Variants in HP1BP3 observed in about 807,000 individuals in gnomAD.
The protein encoded by HP1BP3 is heterochromatin protein 1-binding protein 3.
Under a neutral mutation model 62.5 loss-of-function variants are expected in HP1BP3, and 12 were observed. That is an observed-to-expected ratio of 0.19 (90% CI 0.12 to 0.31). HP1BP3 has a LOEUF of 0.31. HP1BP3 is among the 10% of genes least tolerant of loss of function. HP1BP3 has a pLI of 1.00. For synonymous variants in HP1BP3, 260 were observed against 237.8 expected, an observed-to-expected ratio of 1.09 and a Z score of -0.86; for missense variants, 502 against 651.8, an observed-to-expected ratio of 0.77 and a Z score of 2.50.
intron 5 of HP1BP3, among the ~76,000 whole-genome samples, chr1:20,772,575 A>G (rs1014655704): frequency 1.3e-5 from 2 of 152,226 alleles, no homozygotes; most frequent in African/African-American, 4.8e-5. Context: ...TTTCCAGTTT[A>G]TGTGTTAGTG....
At chr1:20,748,517 C>A (rs760579175) in intron 10 of HP1BP3, among the ~76,000 whole-genome samples, 8 of 152,172 alleles carry the variant, frequency 5.3e-5, no homozygotes, top group Non-Finnish European at 1.2e-4. Flanking sequence ...GAGGCCGAGG[C>A]CGGCAGATCA....
intron 11 of HP1BP3, 74 bp from the exon 12 acceptor site, chr1:20,745,730 TTACCTGGACA>T: frequency 1.3e-6 from 2 of 1,489,220 alleles, no homozygotes; most frequent in Admixed American, 3.7e-5. Flanking sequence ...CTAGATGCTC[TTACCTGGACA>T]TATCCCACTT....
intron 5 of HP1BP3, 26 bp from the exon 6 acceptor site, chr1:20,771,099 G>GA: frequency 6.5e-7 from 1 of 1,538,682 alleles, no homozygotes; most frequent in Non-Finnish European, 8.8e-7. Flanking sequence ...TAAACTAGTT[G>GA]TTTTTTTTTA....
chr1:20,773,934 A>G (rs986458527), intron 4 of HP1BP3: 13 of 171,396 alleles, frequency 7.6e-5, no homozygotes, highest in Admixed American at 5.7e-4. Context: ...GCAATATGGT[A>G]TAGTGGAAAA....
Position 20,776,689 on chromosome 1 carries a change from T to A in HP1BP3, c.258A>T (p.Pro86=), listed in dbSNP as rs746390482. Residue 86 remains proline, a synonymous_variant, in exon 4 of 13, where the codon CCA becomes CCT. Coordinates refer to ENST00000438032, the MANE Select transcript of HP1BP3 (RefSeq NM_001372052.1). Reference sequence around the variant, plus strand: ...GCTCTGCCTCACTCGAAGTAGCAGGTGGAGTTTCATTCTCTTGTTCTTCTA... The same window carrying A: ...GCTCTGCCTCACTCGAAGTAGCAGGAGGAGTTTCATTCTCTTGTTCTTCTA... The part of the protein sequence containing the change: ...STVEEQENET[P]PATSSEAEQP... 2 of 1,613,802 alleles carry A rather than the reference T, an allele frequency of 1.2e-6. No homozygotes were observed. Among genetic ancestry groups the A allele is most frequent in the Admixed American group, 3.3e-5 (2 of 59,990 alleles).
rs911705811 is a variant in HP1BP3 at position 20,743,117 on chromosome 1, CTTTTCT to C, written c.*1674_*1679del. On this transcript the variant is annotated 3_prime_UTR_variant, in exon 13 of 13. Coordinates refer to ENST00000438032, the MANE Select transcript of HP1BP3 (RefSeq NM_001372052.1). ...TAGTTGGGCTTCATTTACTTTTTTCCTTTTCTTTTTTTTTTTAATATCTCAAAAAGG... is the reference window on the plus strand; with the variant it reads ...TAGTTGGGCTTCATTTACTTTTTTCCTTTTTTTTTTAATATCTCAAAAAGG... 7 of 150,408 alleles carry C rather than the reference CTTTTCT, an allele frequency of 4.7e-5. No individual in the cohort carries two copies. The highest frequency in any genetic ancestry group is 1.7e-4 in the African/African-American group (7 of 40,572). The allele number at this position is 150,408 out of a possible 1,614,324, so 9.3% of individuals were successfully genotyped here. A position where few individuals can be genotyped will look rare whatever the true frequency, so the allele number is the denominator to read the frequency against.
rs1206260933 is a variant in HP1BP3 at position 20,744,178 on chromosome 1, C to A, written c.*619G>T. On this transcript the variant is annotated 3_prime_UTR_variant, in exon 13 of 13. Transcript: ENST00000438032. The stretch of plus-strand genomic sequence containing the variant: ...CAGTGAAAAATACCTAGAAATTGAT[C>A]AATATGAAATGTAGCCCAAAGGAGT... The A allele has an allele frequency of 1.3e-5, 2 of 152,654 alleles. No homozygotes were observed. The highest frequency in any genetic ancestry group is 4.2e-4 in the South Asian group (2 of 4,814). 9.5% of individuals were successfully genotyped at this position (152,654 alleles called of 1,614,324 possible).
In HP1BP3 at chr1:20,744,385, C is replaced by T. The variant is rs114114406; in HGVS notation, c.*412G>A. ...ACAACTCAGTCAGTGCTATATTGTG[C>T]CTCCATTTTACTTCCAGGACCTGAC... On this transcript the variant is annotated 3_prime_UTR_variant, in exon 13 of 13. Coordinates refer to ENST00000438032, the MANE Select transcript of HP1BP3 (RefSeq NM_001372052.1). 3.5e-3 allele frequency: 600 copies of T among 171,686 alleles called. 2 individuals carry two copies. Among genetic ancestry groups the T allele is most frequent in the African/African-American group, 0.014 (575 of 41,628 alleles). 10.6% of individuals were successfully genotyped at this position (171,686 alleles called of 1,614,324 possible).
chr1:20,754,348 G>T (rs2055964942), intron 9 of HP1BP3, among the ~76,000 whole-genome samples: 1 of 152,150 alleles, frequency 6.6e-6, no homozygotes, highest in African/African-American at 2.4e-5. Context: ...ACTGCTGAGA[G>T]AAATTAAATA....
At chr1:20,775,058 T>G (rs750404712) in intron 4 of HP1BP3, 1 of 152,070 alleles carries the variant, frequency 6.6e-6, no homozygotes, top group Non-Finnish European at 1.5e-5. Context: ...GCTACTAGTT[T>G]ATGTGTTTAC....
Position 20,780,493 on chromosome 1 carries a change from T to G in HP1BP3, c.-53A>C, listed in dbSNP as rs570441090. On this transcript the variant is annotated 5_prime_UTR_variant, in exon 2 of 13. Coordinates refer to ENST00000438032, the MANE Select transcript of HP1BP3 (RefSeq NM_001372052.1). ...GGTTACACTCTGAAGCCTCTGCTGT[T>G]AACCACAAGGATTTTTCCTAATGGT... The G allele has an allele frequency of 2.9e-5, 37 of 1,276,426 alleles. No individual in the cohort carries two copies. The South Asian group carries it at 4.5e-4, about 15-fold the overall frequency. 79.1% of individuals were successfully genotyped at this position (1,276,426 alleles called of 1,614,324 possible).
At chr1:20,751,741 TA>T (rs140394272) in intron 9 of HP1BP3, among the ~76,000 whole-genome samples, 4,553 of 110,684 alleles carry the variant, frequency 0.041, 84 homozygotes, top group Middle Eastern at 0.069. Context: ...AATAATAAAC[TA>T]AAAAAAAAAA....
At chr1:20,786,839 G>A (rs952689376) in intron 1 of HP1BP3, among the ~76,000 whole-genome samples, 1 of 152,104 alleles carries the variant, frequency 6.6e-6, no homozygotes, top group African/African-American at 2.4e-5. Context: ...AGCCAATCGG[G>A]GCGGGCAGAG....
chr1:20,781,655 C>A (rs2057554941), intron 1 of HP1BP3, among the ~76,000 whole-genome samples: 1 of 152,078 alleles, frequency 6.6e-6, no homozygotes, highest in Admixed American at 6.6e-5. Context: ...GAGACGGAGT[C>A]TTGCTCTGTT....
intron 3 of HP1BP3, among the ~76,000 whole-genome samples, 155 bp from the exon 4 acceptor site, chr1:20,776,905 TA>T (rs1205489491): frequency 3.9e-5 from 6 of 152,236 alleles, no homozygotes. Flanking sequence ...GCAGTTTTCT[TA>T]CATTCTTTAT....
chr1:20,773,574 C>T lies in HP1BP3; in HGVS notation c.387G>A (p.Val129=), dbSNP rs1222127180. The T allele has an allele frequency of 1.9e-6, 3 of 1,609,032 alleles. No individual in the cohort carries two copies. The highest frequency in any genetic ancestry group is 2.2e-5 in the East Asian group (1 of 44,634). ...TAGCCCAGGAAGGAATTGTTTTTTTCACTTTCTTCTCCTTTTCTTTAGACT... is the reference window on the plus strand; with the variant it reads ...TAGCCCAGGAAGGAATTGTTTTTTTTACTTTCTTCTCCTTTTCTTTAGACT... ...KDQSKEKEKK[V]KKTIPSWATL... is the part of the protein sequence containing the mutation. Residue 129 remains valine (V), a synonymous_variant, in exon 5 of 13, where the codon GTG becomes GTA. Coordinates refer to ENST00000438032, the MANE Select transcript of HP1BP3 (RefSeq NM_001372052.1).
At chr1:20,750,682 C>A (rs2055679870) in intron 9 of HP1BP3, among the ~76,000 whole-genome samples, 1 of 151,918 alleles carries the variant, frequency 6.6e-6, no homozygotes, top group Middle Eastern at 3.2e-3. Context: ...TTTCTTCTGC[C>A]TCTGCCCGCC....
chr1:20,758,793 C>T (rs527706567), intron 8 of HP1BP3, among the ~76,000 whole-genome samples: 14 of 152,026 alleles, frequency 9.2e-5, no homozygotes, highest in African/African-American at 3.4e-4. Flanking sequence ...GGACTATAGG[C>T]ACATGCCACT....
intron 11 of HP1BP3, 87 bp from the exon 12 acceptor site, chr1:20,745,743 T>TC: frequency 7.8e-7 from 1 of 1,285,850 alleles, no homozygotes; most frequent in Non-Finnish European, 1.1e-6. Flanking sequence ...CCTGGACATA[T>TC]CCCACTTCTT....
Sources: allele counts gnomAD v4.1 joint callset (sites outside exome capture counted in the v4.1 genomes callset), GRCh38; gene constraint gnomAD v4.1.1; transcripts MANE v1.5; gene names NCBI Gene and HGNC (gene_info 2026-07-23, HGNC 2026-07-21).